SHLD2: variants seen among roughly 807,000 people sequenced by gnomAD.
The protein encoded by SHLD2 is shieldin complex subunit 2.
A neutral mutation model predicts 73.2 loss-of-function variants in SHLD2; 30 were observed. That is an observed-to-expected ratio of 0.41 (90% CI 0.31 to 0.56). The LOEUF is 0.56. Among genes scored for constraint, SHLD2 ranks in the 20% least tolerant of loss-of-function variants. The pLI is 0.28. For missense variants in SHLD2, 745 were observed against 1,055.9 expected (o/e 0.71, Z 4.08); for synonymous variants, 285 against 370.1 (o/e 0.77, Z 2.64).
At chr10:87,181,509 G>A (rs1423182498) in intron 8 of SHLD2, among the ~76,000 whole-genome samples, 5 of 152,166 alleles carry the variant, frequency 3.3e-5, no homozygotes, top group Non-Finnish European at 7.3e-5. Context: ...TTCAATATAA[G>A]CATTTATTGG....
At chr10:87,149,878 C>CACT (rs1845888360) in intron 2 of SHLD2, among the ~76,000 whole-genome samples, 1 of 151,978 alleles carries the variant, frequency 6.6e-6, no homozygotes, top group Admixed American at 6.6e-5. Flanking sequence ...ATAGGTGTTC[C>CACT]ACTACTATGT....
At chr10:87,110,878 T>C (rs1056688409) in intron 2 of SHLD2, among the ~76,000 whole-genome samples, 24 of 151,876 alleles carry the variant, frequency 1.6e-4, no homozygotes, top group African/African-American at 5.1e-4. Flanking sequence ...GGAGTTTTGC[T>C]CTGTTGCCCA....
chr10:87,123,182 C>CA (rs1169125699), intron 2 of SHLD2, among the ~76,000 whole-genome samples: 2 of 152,244 alleles, frequency 1.3e-5, no homozygotes, highest in Non-Finnish European at 2.9e-5. Context: ...GCTGAGATTA[C>CA]AGGCATGAGT....
chr10:87,115,549 CGTT>C (rs1236425840), intron 2 of SHLD2: 3 of 151,730 alleles, frequency 2.0e-5, no homozygotes, highest in African/African-American at 4.8e-5. Flanking sequence ...GTAGTGGTGA[CGTT>C]GTAAGAGGAG....
intron 2 of SHLD2, among the ~76,000 whole-genome samples, chr10:87,120,529 G>T (rs1483551122): frequency 3.3e-5 from 5 of 151,882 alleles, no homozygotes; most frequent in African/African-American, 1.2e-4. Context: ...TTACAGGCGT[G>T]AACCACCGCG....
At chr10:87,140,676 G>GGTATGTAAT (rs1258174283) in intron 2 of SHLD2, among the ~76,000 whole-genome samples, 1 of 149,920 alleles carries the variant, frequency 6.7e-6, no homozygotes, top group Non-Finnish European at 1.5e-5. Flanking sequence ...ATCATACCTA[G>GGTATGTAAT]GTATGTAATA....
intron 2 of SHLD2, among the ~76,000 whole-genome samples, chr10:87,111,549 G>A (rs1320267520): frequency 1.3e-5 from 2 of 150,530 alleles, no homozygotes; most frequent in Non-Finnish European, 2.9e-5. Context: ...GCTGAGGCAC[G>A]AGAATCTCTT....
At position 87,144,616 on chromosome 10, in the gene SHLD2, A is replaced by ATT. The variant is rs548218721; in HGVS notation, c.-5-6707_-5-6706dup. 6.5e-3 allele frequency among the ~76,000 whole-genome samples: 581 copies of ATT among 89,474 alleles called. 50 individuals are homozygous for ATT. The highest frequency in any genetic ancestry group is 0.021 in the African/African-American group (400 of 19,334). 58.7% of individuals were successfully genotyped at this position (89,474 alleles called of 152,430 possible). On this transcript the variant is annotated intron_variant, in intron 2 of 9. Transcript: ENST00000298786. ...TAAATTTAGGTACAAGCATTTACTA[A>ATT]TTTTTTTTTTTTTTTTTTTTTTTTT...
chr10:87,121,378 G>A (rs1488613806), intron 2 of SHLD2, among the ~76,000 whole-genome samples: 1 of 152,226 alleles, frequency 6.6e-6, no homozygotes, highest in South Asian at 2.1e-4. Flanking sequence ...ACCAGCCTCG[G>A]CCTCACAGTG....
intron 4 of SHLD2, among the ~76,000 whole-genome samples, chr10:87,168,868 C>T (rs1359927810): frequency 3.3e-5 from 5 of 151,554 alleles, no homozygotes; most frequent in Admixed American, 2.6e-4. Context: ...TTCAGTATCA[C>T]GCAGTATTCC....
intron 2 of SHLD2, among the ~76,000 whole-genome samples, chr10:87,116,118 C>T (rs573721277): frequency 3.3e-5 from 5 of 152,306 alleles, no homozygotes; most frequent in African/African-American, 4.8e-5. Flanking sequence ...TGATTGCCAC[C>T]TTCTGTAGAA....
At chr10:87,113,521 G>A (rs535633107) in intron 2 of SHLD2, among the ~76,000 whole-genome samples, 1 of 152,308 alleles carries the variant, frequency 6.6e-6, no homozygotes, top group East Asian at 1.9e-4. Flanking sequence ...GAAATCCATA[G>A]AGATAGAAAA....
chr10:87,117,559 C>T (rs577350942), intron 2 of SHLD2, among the ~76,000 whole-genome samples: 128 of 152,256 alleles, frequency 8.4e-4, no homozygotes, highest in African/African-American at 2.9e-3. Context: ...TTTGGGAGGC[C>T]GAGGTGGGCA....
At chr10:87,111,266 G>A (rs1564579447) in intron 2 of SHLD2, among the ~76,000 whole-genome samples, 2 of 152,066 alleles carry the variant, frequency 1.3e-5, no homozygotes, top group Admixed American at 6.5e-5. Context: ...AGACTCAAGC[G>A]GTCCTCCCAC....
chr10:87,111,548 C>T (rs746495141), intron 2 of SHLD2, among the ~76,000 whole-genome samples: 11 of 148,694 alleles, frequency 7.4e-5, no homozygotes, highest in Admixed American at 2.1e-4. Context: ...GGCTGAGGCA[C>T]GAGAATCTCT....
At chr10:87,148,281 G>GT (rs1341002966) in intron 2 of SHLD2, among the ~76,000 whole-genome samples, 3 of 152,088 alleles carry the variant, frequency 2.0e-5, no homozygotes, top group Non-Finnish European at 4.4e-5. Context: ...TGTTTGTTAC[G>GT]TAAGTGATTG....
chr10:87,180,244 C>G lies in SHLD2; in HGVS notation c.2340C>G (p.Asn780Lys). 6.2e-7 allele frequency: 1 copy of G among 1,612,604 alleles called. No homozygotes were observed. Among genetic ancestry groups the G allele is most frequent in the South Asian group, 1.1e-5 (1 of 90,994 alleles). Residue 780 changes from asparagine to lysine, a missense_variant, in exon 8 of 10, where the codon AAC becomes AAG. This residue lies in a region of SHLD2 where 418 missense variants were observed against 567.8 expected (regional missense o/e 0.74). Coordinates refer to ENST00000298786, the MANE Select transcript of SHLD2 (RefSeq NM_001330112.2). Reference protein sequence around the residue: ...KCGLELETDENRIYKQCFSCL... With the variant: ...KCGLELETDEKRIYKQCFSCL... ...GATTGGAACTAGAAACAGATGAGAA[C>G]AGGATCTACAAACAATGTTTTAGCT...
chr10:87,134,130 A>T (rs1313858914), intron 2 of SHLD2, among the ~76,000 whole-genome samples: 1 of 152,222 alleles, frequency 6.6e-6, no homozygotes, highest in Non-Finnish European at 1.5e-5. Flanking sequence ...TAATGTACTG[A>T]GGGAGTGAAC....
chr10:87,153,541 C>G, intron 3 of SHLD2, among the ~76,000 whole-genome samples: 1 of 152,150 alleles, frequency 6.6e-6, no homozygotes. Flanking sequence ...TGGTATTATA[C>G]CAACTTCATA....
Sources: allele counts gnomAD v4.1 joint callset (sites outside exome capture counted in the v4.1 genomes callset), GRCh38; gene constraint gnomAD v4.1.1; regional missense constraint gnomAD v4.1.1; transcripts MANE v1.5; gene names NCBI Gene and HGNC (gene_info 2026-07-23, HGNC 2026-07-21).